The following TTC28 variants were observed in gnomAD, a reference collection of about 807,000 sequenced individuals.
The protein encoded by TTC28 is tetratricopeptide repeat protein 28.
Under a neutral mutation model 198.0 loss-of-function variants are expected in TTC28, and 61 were observed. That is an observed-to-expected ratio of 0.31 (90% CI 0.25 to 0.38). TTC28 has a LOEUF of 0.38. Among genes scored for constraint, TTC28 ranks in the 10% least tolerant of loss-of-function variants. The pLI, the probability that TTC28 is intolerant of heterozygous loss-of-function variation, is 1.00. For missense variants in TTC28, 2,678 were observed against 3,164.0 expected (o/e 0.85, Z 3.69); for synonymous variants, 1,171 against 1,297.8 (o/e 0.90, Z 2.10).
At chr22:28,386,353 A>ATACTT (rs1199144911) in intron 2 of TTC28, among the ~76,000 whole-genome samples, 1 of 149,768 alleles carries the variant, frequency 6.7e-6, no homozygotes, top group African/African-American at 2.5e-5. Flanking sequence ...CTCTTCTCCA[A>ATACTT]TACTTTCACA....
intron 1 of TTC28, among the ~76,000 whole-genome samples, chr22:28,652,648 T>C (rs911075560): frequency 1.4e-4 from 21 of 152,252 alleles, no homozygotes; most frequent in African/African-American, 5.1e-4. Context: ...CAAAATCTTC[T>C]TAGCTGTTTT....
At position 28,014,305 on chromosome 22, in the gene TTC28, C is replaced by G. The variant is rs956351054; in HGVS notation, c.4161G>C (p.Ser1387=). 6.4e-7 allele frequency: 1 copy of G among 1,551,640 alleles called. No individual in the cohort carries two copies. Among genetic ancestry groups the G allele is most frequent in the Non-Finnish European group, 8.7e-7 (1 of 1,146,976 alleles). The change falls in exon 14 of 23, where the codon TCG becomes TCC. Residue 1387 remains serine (S), a synonymous_variant. Coordinates refer to ENST00000397906, the MANE Select transcript of TTC28 (RefSeq NM_001145418.2). ...GGGCACGGAGCGGGGGCTTGGCAAA[C>G]GAGCTCTGCCTCCTGGGAAGAGAGG... is the stretch of plus-strand genomic sequence containing the variant. ...GTSSLPRRQS[S]FAKPPLRALY... is the part of the protein sequence containing the mutation.
intron 2 of TTC28, among the ~76,000 whole-genome samples, chr22:28,398,248 AG>A (rs1199229192): frequency 6.6e-6 from 1 of 152,126 alleles, no homozygotes; most frequent in Non-Finnish European, 1.5e-5. Flanking sequence ...AGAGATGGAG[AG>A]GGGGCCAGGG....
chr22:28,349,999 T>C (rs2045968902), intron 2 of TTC28, among the ~76,000 whole-genome samples: 2 of 152,180 alleles, frequency 1.3e-5, no homozygotes, highest in African/African-American at 4.8e-5. Context: ...ACTCGCACAA[T>C]TGTCCAGTGT....
At chr22:28,475,302 C>A (rs1436314601) in intron 2 of TTC28, among the ~76,000 whole-genome samples, 1 of 152,110 alleles carries the variant, frequency 6.6e-6, no homozygotes, top group Non-Finnish European at 1.5e-5. Context: ...GGAAACCACC[C>A]TGGACAGGAT....
chr22:28,450,614 AT>A (rs1393428504), intron 2 of TTC28, among the ~76,000 whole-genome samples: 2 of 152,098 alleles, frequency 1.3e-5, no homozygotes, highest in Non-Finnish European at 2.9e-5. Context: ...CTAACTCTGA[AT>A]TTTTTTCCTC....
intron 2 of TTC28, among the ~76,000 whole-genome samples, chr22:28,387,843 G>A (rs2046637335): frequency 6.6e-6 from 1 of 152,112 alleles, no homozygotes; most frequent in Non-Finnish European, 1.5e-5. Flanking sequence ...AAGCTCTTTA[G>A]TTTAATTAGA....
intron 2 of TTC28, among the ~76,000 whole-genome samples, chr22:28,351,917 T>C (rs553381854): frequency 1.3e-5 from 2 of 152,150 alleles, no homozygotes; most frequent in Admixed American, 1.3e-4. Flanking sequence ...TCTAAGAATA[T>C]CTTTTAGTGG....
At chr22:28,144,577 G>A (rs1353499380) in intron 6 of TTC28, among the ~76,000 whole-genome samples, 2 of 152,188 alleles carry the variant, frequency 1.3e-5, no homozygotes, top group Admixed American at 6.5e-5. Flanking sequence ...TGAGATGAGT[G>A]GAGACATCTG....
intron 14 of TTC28, among the ~76,000 whole-genome samples, chr22:28,013,785 C>G (rs1053115357): frequency 9.9e-5 from 15 of 151,814 alleles, no homozygotes; most frequent in Admixed American, 3.9e-4. Flanking sequence ...AAGGGCACAT[C>G]CACGGCCACA....
At chr22:28,200,454 T>C (rs1925825635) in intron 5 of TTC28, among the ~76,000 whole-genome samples, 1 of 152,072 alleles carries the variant, frequency 6.6e-6, no homozygotes. Flanking sequence ...TTAATACATC[T>C]GAATTAAAAA....
At chr22:28,277,782 C>T (rs576117490) in intron 5 of TTC28, among the ~76,000 whole-genome samples, 1 of 152,220 alleles carries the variant, frequency 6.6e-6, no homozygotes, top group East Asian at 1.9e-4. Flanking sequence ...ATCTACAAAG[C>T]AGAAAAACTA....
At chr22:28,002,112 A>G (rs932637645) in intron 14 of TTC28, 1 of 156,946 alleles carries the variant, frequency 6.4e-6, no homozygotes, top group Non-Finnish European at 1.4e-5. Flanking sequence ...CAGGGGACCC[A>G]ATGCATGGAT....
intron 5 of TTC28, among the ~76,000 whole-genome samples, chr22:28,166,778 C>G (rs1414672478): frequency 6.6e-6 from 1 of 152,006 alleles, no homozygotes; most frequent in African/African-American, 2.4e-5. Flanking sequence ...GAAGCAAGAG[C>G]AAACACATTC....
At chr22:28,368,438 C>G (rs2046281342) in intron 2 of TTC28, among the ~76,000 whole-genome samples, 1 of 152,024 alleles carries the variant, frequency 6.6e-6, no homozygotes, top group African/African-American at 2.4e-5. Flanking sequence ...CAACTAGTAT[C>G]ATAATGAATG....
chr22:28,369,786 T>C (rs1429204275), intron 2 of TTC28, among the ~76,000 whole-genome samples: 1 of 152,172 alleles, frequency 6.6e-6, no homozygotes, highest in Non-Finnish European at 1.5e-5. Context: ...CACAGCATGG[T>C]GAAAATTACT....
chr22:28,394,522 CTACT>C (rs1379316931), intron 2 of TTC28, among the ~76,000 whole-genome samples: 3 of 152,340 alleles, frequency 2.0e-5, no homozygotes, highest in Non-Finnish European at 1.5e-5. Flanking sequence ...ACCAAAATCA[CTACT>C]TAAACAGCTT....
chr22:28,434,473 CAA>C (rs2047487632), intron 2 of TTC28, among the ~76,000 whole-genome samples: 1 of 152,116 alleles, frequency 6.6e-6, no homozygotes, highest in Non-Finnish European at 1.5e-5. Flanking sequence ...CATTTGAGGT[CAA>C]GAGTTCGAGA....
chr22:28,417,421 G>C (rs1424362747), intron 2 of TTC28, among the ~76,000 whole-genome samples: 2 of 151,440 alleles, frequency 1.3e-5, no homozygotes, highest in Admixed American at 1.3e-4. Context: ...ACTACAGTGA[G>C]CTATGACCAT....
Sources: allele counts gnomAD v4.1 joint callset (sites outside exome capture counted in the v4.1 genomes callset), GRCh38; gene constraint gnomAD v4.1.1; transcripts MANE v1.5; gene names NCBI Gene and HGNC (gene_info 2026-07-23, HGNC 2026-07-21).